The following CHRNB4 variants were observed in gnomAD, a reference collection of about 807,000 sequenced individuals.
CHRNB4 encodes cholinergic receptor nicotinic beta 4 subunit.
CHRNB4 carries 23 observed loss-of-function variants against 40.4 expected under a neutral mutation model. That is an observed-to-expected ratio of 0.57 (90% CI 0.41 to 0.81). The LOEUF is 0.81. Ranked by LOEUF, CHRNB4 falls within the 30% of genes least tolerant of loss-of-function variation. The probability of loss-of-function intolerance (pLI) is 0.00; values close to 1 mark genes in which losing one functional copy is unlikely to be tolerated. For missense variants in CHRNB4, 568 were observed against 670.6 expected (o/e 0.85, Z 1.69); for synonymous variants, 285 against 274.4 (o/e 1.04, Z -0.38).
rs1391191349 is a variant in CHRNB4 at position 78,631,348 on chromosome 15, G to A, written c.205-16C>T. ...CTCGCTCATTCTGGGGAGGGAAACG[G>A]GGCTATCAGTTCACCAGGAAGGAGG... is the stretch of plus-strand genomic sequence containing the variant. On this transcript the variant is annotated splice_polypyrimidine_tract_variant and intron_variant, in intron 2 of 5. Coordinates refer to ENST00000261751, the MANE Select transcript of CHRNB4 (RefSeq NM_000750.5). The A allele has an allele frequency of 6.2e-7, 1 of 1,612,432 alleles. No homozygotes were observed. Among genetic ancestry groups the A allele is most frequent in the East Asian group, 2.2e-5 (1 of 44,884 alleles).
chr15:78,635,549 C>G lies in CHRNB4; in HGVS notation c.94G>C (p.Asp32His). 6.2e-7 allele frequency: 1 copy of G among 1,614,134 alleles called. No homozygotes were observed. The highest frequency in any genetic ancestry group is 2.2e-5 in the East Asian group (1 of 44,876). Reference protein sequence around the residue: ...RVANAEEKLMDDLLNKTRYNN... With the variant: ...RVANAEEKLMHDLLNKTRYNN... ...TAACGGGTTTTGTTCAGAAGGTCGT[C>G]CATCAGCTTTTCCTCCGCATTGGCC... The change falls in exon 2 of 6, where the codon GAC (aspartate) becomes CAC (histidine). Residue 32 changes from aspartate to histidine, a missense_variant. Physicochemically the swap from Asp to His is moderately conservative, Grantham distance 81. Transcript: ENST00000261751.
At chr15:78,626,850 T>G (rs941128531) in intron 5 of CHRNB4, 1 of 152,282 alleles carries the variant, frequency 6.6e-6, no homozygotes, top group East Asian at 1.9e-4. Flanking sequence ...GCCTGGCTCC[T>G]TCCCTTAAGA....
At chr15:78,628,797 G>C (rs1053875348) in intron 5 of CHRNB4, among the ~76,000 whole-genome samples, 170 bp downstream of exon 5, 1 of 152,100 alleles carries the variant, frequency 6.6e-6, no homozygotes, top group Non-Finnish European at 1.5e-5. Flanking sequence ...TCCTCTCCCC[G>C]GATGCATGAA....
intron 1 of CHRNB4, among the ~76,000 whole-genome samples, chr15:78,640,504 A>C (rs1417373384): frequency 6.6e-6 from 1 of 152,216 alleles, no homozygotes; most frequent in Non-Finnish European, 1.5e-5. Flanking sequence ...AAAGCACAAA[A>C]CATTCCAGGG....
rs751704323 is a variant in CHRNB4 at position 78,631,195 on chromosome 15, C to A, written c.250-10G>T. 1.7e-5 allele frequency: 28 copies of A among 1,613,862 alleles called. No individual in the cohort carries two copies. The highest frequency in any genetic ancestry group is 1.6e-4 in the Middle Eastern group (1 of 6,084). On this transcript the variant is annotated splice_polypyrimidine_tract_variant and intron_variant, in intron 3 of 5. Coordinates refer to ENST00000261751, the MANE Select transcript of CHRNB4 (RefSeq NM_000750.5). Reference sequence around the variant, plus strand: ...GGTAATCAGTCCATTCCTGGACAGACAGGCAAGGCCCTGTCACTTGCAGGT... The same window carrying A: ...GGTAATCAGTCCATTCCTGGACAGAAAGGCAAGGCCCTGTCACTTGCAGGT...
chr15:78,657,087 C>G (rs2054220780), intron 3 of CHRNB4, among the ~76,000 whole-genome samples: 1 of 151,580 alleles, frequency 6.6e-6, no homozygotes, highest in Non-Finnish European at 1.5e-5. Context: ...TGCAGTGGTA[C>G]AACCCTGGCT....
Position 78,647,686 on chromosome 15 carries a change from A to T in CHRNB4, c.46+1693T>A, listed in dbSNP as rs376218093. On this transcript the variant is annotated intron_variant and NMD_transcript_variant, in intron 7 of 11. Coordinates refer to the CHRNB4 transcript ENST00000559849. ...ATGGTGAAACCCCGTCTCTACTAAAAATCCAAAAAAAAAAAAAAAAAAAAT... is the reference window on the plus strand; with the variant it reads ...ATGGTGAAACCCCGTCTCTACTAAATATCCAAAAAAAAAAAAAAAAAAAAT... Among the ~76,000 whole-genome samples the T allele has an allele frequency of 6.6e-4, 94 of 142,826 alleles. 2 individuals carry two copies. The East Asian group carries it at 0.016, about 25-fold the overall frequency. The allele number at this position is 142,826 out of a possible 152,430, so 93.7% of individuals were successfully genotyped here. A position where few individuals can be genotyped will look rare whatever the true frequency, so the allele number is the denominator to read the frequency against.
chr15:78,631,654 C>T (rs1212557380), intron 2 of CHRNB4, among the ~76,000 whole-genome samples: 1 of 152,218 alleles, frequency 6.6e-6, no homozygotes, highest in African/African-American at 2.4e-5. Context: ...GCTATATCTT[C>T]TAAAGCAACT....
chr15:78,630,143 C>CT (rs34925790), intron 4 of CHRNB4, among the ~76,000 whole-genome samples, 198 bp from the exon 5 acceptor site: 56,211 of 143,100 alleles, frequency 0.39, 11,406 homozygotes, highest in African/African-American at 0.5. Flanking sequence ...AAGCACCCCC[C>CT]TTTTTTTTTT....
chr15:78,629,892 T>C lies in CHRNB4; in HGVS notation c.413A>G (p.Asn138Ser). The change falls in exon 5 of 6, where the codon AAC (asparagine) becomes AGC (serine). Residue 138 changes from asparagine to serine, a missense_variant. By Grantham distance (46) the Asn-to-Ser change is conservative (BLOSUM62 1). Around this residue, in one of 4 missense-constraint regions of CHRNB4, gnomAD observed 127 missense variants for 167.4 expected, o/e 0.76. Transcript: ENST00000261751. This position sits in a 1 kb window ranked among gnomAD's most constrained non-coding sequence, Gnocchi z 6.8. ...AGGGGGCAGCCACAGGACGCTGCCG[T>C]TGGACCGGACTATCAAGTTGGTGTA... ...SVYTNLIVRSNGSVLWLPPAI... is the reference protein window; with the variant it reads ...SVYTNLIVRSSGSVLWLPPAI... 6.2e-7 allele frequency: 1 copy of C among 1,611,714 alleles called. No homozygotes were observed. The highest frequency in any genetic ancestry group is 8.5e-7 in the Non-Finnish European group (1 of 1,179,636).
upstream of CHRNB4, chr15:78,661,495 G>A (rs1015857527): frequency 1.5e-5 from 8 of 524,496 alleles, no homozygotes; most frequent in African/African-American, 1.4e-4. Flanking sequence ...GAGTTGATTT[G>A]TCTGGCCAGA....
chr15:78,631,708 T>TAA (rs2053815849), intron 2 of CHRNB4, among the ~76,000 whole-genome samples: 1 of 152,188 alleles, frequency 6.6e-6, no homozygotes, highest in Non-Finnish European at 1.5e-5. Flanking sequence ...ATCTGTCACT[T>TAA]AGACTACCGC....
intron 5 of CHRNB4, among the ~76,000 whole-genome samples, chr15:78,655,003 A>G (rs886849896): frequency 6.6e-6 from 1 of 152,154 alleles, no homozygotes; most frequent in Non-Finnish European, 1.5e-5. Flanking sequence ...TGCACATTTT[A>G]AAAATGTACA....
upstream of CHRNB4, among the ~76,000 whole-genome samples, chr15:78,646,070 A>AG (rs1274050706): frequency 1.3e-5 from 2 of 151,970 alleles, no homozygotes; most frequent in Non-Finnish European, 2.9e-5. Flanking sequence ...AAAAAAAAAA[A>AG]AAATGAATGA....
intron 2 of CHRNB4, among the ~76,000 whole-genome samples, chr15:78,632,618 T>C (rs1567120817): frequency 6.6e-6 from 1 of 152,042 alleles, no homozygotes; most frequent in East Asian, 1.9e-4. Flanking sequence ...GTCTCCTTAT[T>C]TTTTTTTCGT....
At chr15:78,649,506 G>A in intron 6 of CHRNB4, 2 of 423,946 alleles carry the variant, frequency 4.7e-6, no homozygotes, top group Non-Finnish European at 4.7e-6. Flanking sequence ...ACAATGCAAA[G>A]CAAAGACTGC....
chr15:78,636,936 C>T (rs938866217), intron 1 of CHRNB4, among the ~76,000 whole-genome samples: 3 of 152,210 alleles, frequency 2.0e-5, no homozygotes, highest in Non-Finnish European at 4.4e-5. Context: ...CCATTACTCA[C>T]ATGTGAGTTT....
intron 6 of CHRNB4, among the ~76,000 whole-genome samples, chr15:78,651,161 A>G (rs2054168721): frequency 6.6e-6 from 1 of 152,142 alleles, no homozygotes; most frequent in South Asian, 2.1e-4. Context: ...ACTCTGATCT[A>G]TAAAGCAGCC....
chr15:78,631,257 T>G, intron 3 of CHRNB4, 31 bp downstream of exon 3: 1 of 1,613,838 alleles, frequency 6.2e-7, no homozygotes, highest in Non-Finnish European at 8.5e-7. Flanking sequence ...AGAAAAGATC[T>G]CTGGGGCTCA....
Sources: allele counts gnomAD v4.1 joint callset (sites outside exome capture counted in the v4.1 genomes callset), GRCh38; gene constraint gnomAD v4.1.1; regional missense constraint gnomAD v4.1.1; non-coding constraint Gnocchi (gnomAD v3.1); transcripts MANE v1.5; gene names NCBI Gene and HGNC (gene_info 2026-07-23, HGNC 2026-07-21).